The following F11R variants were observed in gnomAD, a reference collection of about 807,000 sequenced individuals.
F11R encodes F11 receptor.
Under a neutral mutation model 39.3 loss-of-function variants are expected in F11R, and 27 were observed. That is an observed-to-expected ratio of 0.69 (90% CI 0.51 to 0.95). The LOEUF is 0.95. Ranked by LOEUF, F11R falls within the 40% of genes least tolerant of loss-of-function variation. The probability of loss-of-function intolerance (pLI) is 0.00; values close to 1 mark genes in which losing one functional copy is unlikely to be tolerated. For synonymous variants in F11R, 131 were observed against 144.9 expected (o/e 0.90, Z 0.69); for missense variants, 335 against 372.7 (o/e 0.90, Z 0.83).
chr1:161,019,213 A>G (rs192411344), intron 1 of F11R, among the ~76,000 whole-genome samples: 1 of 152,282 alleles, frequency 6.6e-6, no homozygotes, highest in Admixed American at 6.5e-5. Context: ...GGGTGTCACT[A>G]GCAGTTCTAA....
Position 161,021,078 on chromosome 1 carries a change from A to C in F11R, c.-5T>G, listed in dbSNP as rs746451217. On this transcript the variant is annotated 5_prime_UTR_variant, in exon 1 of 10. Coordinates refer to ENST00000368026, the MANE Select transcript of F11R (RefSeq NM_016946.6). Reference sequence around the variant, plus strand: ...GACTTGCGCCTTTGTCCCCATCGCGATCAGGCTCCCGACACAACAGCCGCC... The same window carrying C: ...GACTTGCGCCTTTGTCCCCATCGCGCTCAGGCTCCCGACACAACAGCCGCC... The C allele has an allele frequency of 6.2e-7, 1 of 1,613,160 alleles. No homozygotes were observed. The highest frequency in any genetic ancestry group is 1.1e-5 in the South Asian group (1 of 91,046).
chr1:161,015,826 T>C (rs1200528136), intron 1 of F11R, among the ~76,000 whole-genome samples: 1 of 151,980 alleles, frequency 6.6e-6, no homozygotes, highest in African/African-American at 2.4e-5. Context: ...TGAAGAGACA[T>C]TAGAAACTAT....
chr1:161,019,666 GAC>G (rs998732898), intron 1 of F11R, among the ~76,000 whole-genome samples: 81 of 151,536 alleles, frequency 5.3e-4, no homozygotes, highest in African/African-American at 1.9e-3. Context: ...AGGTAAGTAA[GAC>G]AGTAGATTCT....
chr1:161,000,063 C>A, intron 5 of F11R, 83 bp downstream of exon 5: 1 of 1,598,438 alleles, frequency 6.3e-7, no homozygotes, highest in South Asian at 1.1e-5. Flanking sequence ...TCCAAGTTCA[C>A]CCTGTTGCCT....
At chr1:161,002,261 C>CAAAAAAA (rs34007325) in intron 1 of F11R, among the ~76,000 whole-genome samples, 7 of 68,634 alleles carry the variant, frequency 1.0e-4, no homozygotes, top group Admixed American at 1.7e-4. Context: ...GACTCAATCT[C>CAAAAAAA]AAAAAAAAAA....
rs201594072 is a variant in F11R, at chr1:160,999,731, C to A, written c.711G>T (p.Gly237=). ...VRMEAVERNV[G]VIVAAVLVTL... ...TTACAAGGACGGCTGCCACGATGAC[C>A]CCCACATTCCGCTCCACTGCGAGAC... Residue 237 remains glycine (G), a synonymous_variant, in exon 7 of 10, where the codon GGG becomes GGT. Coordinates refer to ENST00000368026, the MANE Select transcript of F11R (RefSeq NM_016946.6). The A allele has an allele frequency of 6.2e-7, 1 of 1,614,154 alleles. No individual in the cohort carries two copies. Among genetic ancestry groups the A allele is most frequent in the East Asian group, 2.2e-5 (1 of 44,890 alleles).
rs1648428384 is a variant in F11R at position 161,000,713 on chromosome 1, T to C, written c.306A>G (p.Glu102=). 4 of 1,614,028 alleles carry C rather than the reference T, an allele frequency of 2.5e-6. No individual in the cohort carries two copies. Among genetic ancestry groups the C allele is most frequent in the Non-Finnish European group, 3.4e-6 (4 of 1,180,032 alleles). The change falls in exon 4 of 10, where the codon GAA becomes GAG. Residue 102 remains glutamate, a synonymous_variant. Coordinates refer to ENST00000368026, the MANE Select transcript of F11R (RefSeq NM_016946.6). Reference sequence around the variant, plus strand: ...CCATACAAGTGTATGTCCCAGTGTCTTCCCGTGTCACGGACTTGAAGGTGA... The same window carrying C: ...CCATACAAGTGTATGTCCCAGTGTCCTCCCGTGTCACGGACTTGAAGGTGA... ...TGITFKSVTR[E]DTGTYTCMVS...
Position 160,999,908 on chromosome 1 carries a change from G to T in F11R, c.662C>A (p.Pro221His), listed in dbSNP as rs751059901. The change falls in exon 6 of 10, where the codon CCC (proline) becomes CAC (histidine). Residue 221 changes from proline (P) to histidine (H), a missense_variant. Transcript: ENST00000368026. ...SCEARNGYGT[P>H]MTSNAVRMEA... The stretch of plus-strand genomic sequence containing the variant: ...CATGCGCACAGCATTTGAAGTCATG[G>T]GTGTCCCATACCCATTCCGTGCCTC... 25 of 1,614,002 alleles carry T rather than the reference G, an allele frequency of 1.5e-5. No individual in the cohort carries two copies. Among genetic ancestry groups the T allele is most frequent in the Non-Finnish European group, 1.9e-5 (23 of 1,180,002 alleles).
chr1:161,001,595 GCTT>G (rs1043512027), intron 1 of F11R, among the ~76,000 whole-genome samples: 6 of 152,102 alleles, frequency 3.9e-5, no homozygotes, highest in African/African-American at 1.4e-4. Flanking sequence ...AGTTTCTTTT[GCTT>G]CTAATTTTTC....
At chr1:161,006,567 C>T (rs1648829240) in intron 1 of F11R, among the ~76,000 whole-genome samples, 1 of 152,184 alleles carries the variant, frequency 6.6e-6, no homozygotes. Flanking sequence ...AGGCATATTA[C>T]CCTTTTCTTC....
chr1:161,019,535 C>A (rs939523538), intron 1 of F11R, among the ~76,000 whole-genome samples: 1 of 141,640 alleles, frequency 7.1e-6, no homozygotes, highest in Admixed American at 7.4e-5. Flanking sequence ...GCGGAGGTTG[C>A]GGTGGGCCAA....
chr1:161,011,517 T>G (rs1188381794), intron 1 of F11R, among the ~76,000 whole-genome samples: 1 of 152,002 alleles, frequency 6.6e-6, no homozygotes, highest in Non-Finnish European at 1.5e-5. Flanking sequence ...AGACAGGTGG[T>G]CAGGAGTTCA....
chr1:161,018,322 A>G (rs1050969965), intron 1 of F11R, among the ~76,000 whole-genome samples: 1 of 152,170 alleles, frequency 6.6e-6, no homozygotes, highest in Non-Finnish European at 1.5e-5. Context: ...CAGAGCCCAC[A>G]ATGAAGAACA....
rs1648265399 is a variant in F11R at position 160,998,613 on chromosome 1, C to T, written c.*258G>A. ...TCAATGGCATACCCAGGATTCCTTC[C>T]TGATCCCTCAAAGAAATGGGGAATA... On this transcript the variant is annotated 3_prime_UTR_variant, in exon 10 of 10. Coordinates refer to ENST00000368026, the MANE Select transcript of F11R (RefSeq NM_016946.6). 3.4e-6 allele frequency: 2 copies of T among 586,472 alleles called. No individual in the cohort carries two copies. The highest frequency in any genetic ancestry group is 2.2e-5 in the South Asian group (1 of 46,434). The allele number at this position is 586,472 out of a possible 1,614,324, so 36.3% of individuals were successfully genotyped here. A position where few individuals can be genotyped will look rare whatever the true frequency, so the allele number is the denominator to read the frequency against.
intron 1 of F11R, among the ~76,000 whole-genome samples, chr1:161,015,494 G>A (rs1031604863): frequency 2.7e-5 from 4 of 150,866 alleles, no homozygotes; most frequent in Admixed American, 2.6e-4. Context: ...GGGAGGCTGA[G>A]GCAGGAGAAT....
Position 160,995,984 on chromosome 1 carries a change from A to C in F11R, c.*2887T>G, listed in dbSNP as rs779660291. 1 of 152,356 alleles carries C rather than the reference A, an allele frequency of 6.6e-6. No individual in the cohort carries two copies. The highest frequency in any genetic ancestry group is 2.4e-5 in the African/African-American group (1 of 41,454). The allele number at this position is 152,356 out of a possible 1,614,324, so 9.4% of individuals were successfully genotyped here. Reference sequence around the variant, plus strand: ...ACTGCTCTCATTTTTTATCCCCTAAATGTCACTTTAACATAGGAAATGTCC... The same window carrying C: ...ACTGCTCTCATTTTTTATCCCCTAACTGTCACTTTAACATAGGAAATGTCC... On this transcript the variant is annotated 3_prime_UTR_variant, in exon 10 of 10. Transcript: ENST00000368026.
intron 1 of F11R, among the ~76,000 whole-genome samples, chr1:161,006,291 G>A (rs911237880): frequency 3.3e-5 from 5 of 152,076 alleles, no homozygotes; most frequent in Non-Finnish European, 5.9e-5. Flanking sequence ...TGGATCCCAA[G>A]TGCACTCCCT....
chr1:161,014,668 G>A (rs372343470), intron 1 of F11R, among the ~76,000 whole-genome samples: 3 of 152,074 alleles, frequency 2.0e-5, no homozygotes, highest in South Asian at 2.1e-4. Context: ...GGCCAGGCAC[G>A]GTGGCTCATG....
At position 160,999,902 on chromosome 1, in the gene F11R, G is replaced by A. The variant is rs1165709089; in HGVS notation, c.668C>T (p.Thr223Ile). The A allele has an allele frequency of 6.2e-7, 1 of 1,614,212 alleles. No homozygotes were observed. Among genetic ancestry groups the A allele is most frequent in the Non-Finnish European group, 8.5e-7 (1 of 1,180,028 alleles). ...AGCTTCCATGCGCACAGCATTTGAAGTCATGGGTGTCCCATACCCATTCCG... is the reference window on the plus strand; with the variant it reads ...AGCTTCCATGCGCACAGCATTTGAAATCATGGGTGTCCCATACCCATTCCG... ...EARNGYGTPM[T>I]SNAVRMEAVE... Residue 223 changes from threonine (T) to isoleucine (I), a missense_variant, in exon 6 of 10, where the codon ACT becomes ATT. Transcript: ENST00000368026.
Sources: allele counts gnomAD v4.1 joint callset (sites outside exome capture counted in the v4.1 genomes callset), GRCh38; gene constraint gnomAD v4.1.1; transcripts MANE v1.5; gene names NCBI Gene and HGNC (gene_info 2026-07-23, HGNC 2026-07-21).